The following WDR20 variants were observed in gnomAD, a reference collection of about 807,000 sequenced individuals.
WDR20 encodes WD repeat domain 20.
A neutral mutation model predicts 38.7 loss-of-function variants in WDR20; 3 were observed. The ratio of observed to expected loss-of-function variants is 0.08; its 90% CI spans 0.04 to 0.20. The LOEUF (loss-of-function observed/expected upper bound fraction) is 0.20. Among genes scored for constraint, WDR20 ranks in the 10% least tolerant of loss-of-function variants. The pLI, the probability that WDR20 is intolerant of heterozygous loss-of-function variation, is 1.00. For missense variants in WDR20, 559 were observed against 727.7 expected, an observed-to-expected ratio of 0.77 and a Z score of 2.67; for synonymous variants, 298 against 285.6, an observed-to-expected ratio of 1.04 and a Z score of -0.44.
At chr14:102,141,582 T>A (rs1016935892) in intron 1 of WDR20, among the ~76,000 whole-genome samples, 5 of 152,178 alleles carry the variant, frequency 3.3e-5, no homozygotes, top group Non-Finnish European at 5.9e-5. Context: ...TGTCACTGAC[T>A]TGTTTGGGTG....
Position 102,204,014 on chromosome 14 carries a change from ATG to A in WDR20, c.433-4587_433-4586del, listed in dbSNP as rs1442675531. On this transcript the variant is annotated intron_variant, in intron 2 of 2. Coordinates refer to ENST00000342702, the MANE Select transcript of WDR20 (RefSeq NM_144574.4). ...AACCCAATCCAAATAAGCCAGAGTCATGTAAGTTAAATGACTGTGCTTCCCAC... is the reference window on the plus strand; with the variant it reads ...AACCCAATCCAAATAAGCCAGAGTCATAAGTTAAATGACTGTGCTTCCCAC... 1.1e-4 allele frequency among the ~76,000 whole-genome samples: 16 copies of A among 152,356 alleles called. 1 individual carries two copies. The highest frequency in any genetic ancestry group is 3.3e-4 in the Admixed American group (5 of 15,310).
intron 1 of WDR20, chr14:102,167,766 C>T (rs1596167789): frequency 6.6e-6 from 1 of 152,182 alleles, no homozygotes; most frequent in Admixed American, 6.5e-5. Flanking sequence ...TTACTCCCTA[C>T]CCACCAAACT....
chr14:102,188,848 GGGCAGC>G (rs2065540811), intron 1 of WDR20, among the ~76,000 whole-genome samples: 1 of 147,994 alleles, frequency 6.8e-6, no homozygotes, highest in Non-Finnish European at 1.5e-5. Context: ...ACTCCAGTCT[GGGCAGC>G]AGAGCGAGAC....
downstream of WDR20, among the ~76,000 whole-genome samples, chr14:102,216,138 C>G (rs2063189474): frequency 6.6e-6 from 1 of 152,208 alleles, no homozygotes; most frequent in African/African-American, 2.4e-5. Context: ...GGTGCTGTCT[C>G]TGGAGTGCGG....
chr14:102,169,607 A>G (rs933255174), intron 1 of WDR20, among the ~76,000 whole-genome samples: 1 of 152,036 alleles, frequency 6.6e-6, no homozygotes, highest in African/African-American at 2.4e-5. Flanking sequence ...TGCTCACTGC[A>G]AGCTCTGCCT....
intron 2 of WDR20, among the ~76,000 whole-genome samples, chr14:102,197,482 A>C (rs1458609379): frequency 6.6e-6 from 1 of 152,226 alleles, no homozygotes; most frequent in Non-Finnish European, 1.5e-5. Context: ...GTGGGTCTTA[A>C]AGGGTACATA....
chr14:102,160,834 G>A (rs959640025), intron 1 of WDR20, among the ~76,000 whole-genome samples: 199 of 149,152 alleles, frequency 1.3e-3, no homozygotes, highest in African/African-American at 4.4e-3. Flanking sequence ...TGTATTCCCA[G>A]CTACTTGGGA....
chr14:102,196,857 T>C (rs1293464874), intron 2 of WDR20, among the ~76,000 whole-genome samples: 2 of 152,250 alleles, frequency 1.3e-5, no homozygotes, highest in African/African-American at 4.8e-5. Flanking sequence ...TTTAGAATGC[T>C]AAGACTGTGT....
rs550485080 is a variant in WDR20 at position 102,172,736 on chromosome 14, GGGC to G, written c.250-22198_250-22196del. 7.2e-3 allele frequency among the ~76,000 whole-genome samples: 1,082 copies of G among 150,030 alleles called. 12 individuals carry two copies. Among genetic ancestry groups the G allele is most frequent in the African/African-American group, 0.025 (1,009 of 40,896 alleles). ...CTGACCCCCACCTCCCTCCCGGACG[GGGC>G]GGCTGCCGGGCGGAGACGCTCCTCA... is the stretch of plus-strand genomic sequence containing the variant. On this transcript the variant is annotated intron_variant, in intron 1 of 2. Coordinates refer to ENST00000342702, the MANE Select transcript of WDR20 (RefSeq NM_144574.4).
At position 102,142,774 on chromosome 14, in the gene WDR20, C is replaced by CTTTTT. The variant is rs71116885; in HGVS notation, c.249+2621_249+2625dup. Among the ~76,000 whole-genome samples, 272 of 84,996 alleles carry CTTTTT rather than the reference C, an allele frequency of 3.2e-3. 3 individuals carry two copies. Among genetic ancestry groups the CTTTTT allele is most frequent in the Non-Finnish European group, 4.7e-3 (211 of 45,328 alleles). The allele number at this position is 84,996 out of a possible 152,430, so 55.8% of individuals were successfully genotyped here. A position where few individuals can be genotyped will look rare whatever the true frequency, so the allele number is the denominator to read the frequency against. ...CCCAGCGCACAGTTGGCTGTTTTGA[C>CTTTTT]TTTTTTTTTTTTTTTTTTTTTTTGG... On this transcript the variant is annotated intron_variant, in intron 1 of 2. Transcript: ENST00000342702.
intron 1 of WDR20, among the ~76,000 whole-genome samples, chr14:102,158,318 A>T (rs1046966171): frequency 5.9e-5 from 9 of 151,810 alleles, no homozygotes; most frequent in African/African-American, 1.9e-4. Flanking sequence ...TTTTTTTAAG[A>T]TGGAGTCTCA....
chr14:102,218,394 A>G (rs80266069), downstream of WDR20, among the ~76,000 whole-genome samples: 515 of 152,076 alleles, frequency 3.4e-3, 4 homozygotes, highest in Non-Finnish European at 5.4e-3. Flanking sequence ...GAGCTAGGAG[A>G]CCGTCCAGGC....
At chr14:102,194,195 T>A (rs1160454209) in intron 1 of WDR20, among the ~76,000 whole-genome samples, 1 of 152,236 alleles carries the variant, frequency 6.6e-6, no homozygotes, top group Non-Finnish European at 1.5e-5. Flanking sequence ...TTGTCCACTT[T>A]GGAGCATTAT....
chr14:102,197,182 C>G (rs1311388419), intron 2 of WDR20, among the ~76,000 whole-genome samples: 1 of 152,058 alleles, frequency 6.6e-6, no homozygotes, highest in African/African-American at 2.4e-5. Flanking sequence ...GTGAATTGTC[C>G]AGATCAGGTA....
chr14:102,209,541 G>A lies in WDR20; in HGVS notation c.1371G>A (p.Gly457=). The A allele has an allele frequency of 6.2e-7, 1 of 1,614,090 alleles. No individual in the cohort carries two copies. The highest frequency in any genetic ancestry group is 1.1e-5 in the South Asian group (1 of 91,072). ...SSVMDGAIAS[G]VSKFATLSLH... is the part of the protein sequence containing the mutation. The stretch of plus-strand genomic sequence containing the variant: ...TCATGGACGGGGCCATTGCTTCTGG[G>A]GTCAGCAAATTTGCAACACTTTCAC... Residue 457 remains glycine (G), a synonymous_variant, in exon 3 of 3, where the codon GGG becomes GGA. Transcript: ENST00000342702. The surrounding 1 kb of genome is among the most constrained non-coding windows in gnomAD (Gnocchi z 6.0).
At chr14:102,162,273 GC>G (rs1196226124) in intron 1 of WDR20, among the ~76,000 whole-genome samples, 2 of 152,166 alleles carry the variant, frequency 1.3e-5, no homozygotes, top group African/African-American at 4.8e-5. Context: ...ACCTTTGACT[GC>G]ATTGTACTGT....
intron 1 of WDR20, among the ~76,000 whole-genome samples, chr14:102,171,968 T>C (rs911789244): frequency 6.6e-6 from 1 of 151,072 alleles, no homozygotes; most frequent in Non-Finnish European, 1.5e-5. Flanking sequence ...CAGAGAGGGA[T>C]TTGGCAGGGT....
intron 1 of WDR20, chr14:102,179,066 C>T (rs1315346588): frequency 6.6e-6 from 1 of 152,120 alleles, no homozygotes; most frequent in African/African-American, 2.4e-5. Flanking sequence ...CATGTAAACT[C>T]TTGCTCCCAG....
chr14:102,209,937 G>C lies in WDR20; in HGVS notation c.*57G>C, dbSNP rs1022516182. The C allele has an allele frequency of 6.6e-7, 1 of 1,524,486 alleles. No homozygotes were observed. The highest frequency in any genetic ancestry group is 8.8e-7 in the Non-Finnish European group (1 of 1,142,834). The allele number at this position is 1,524,486 out of a possible 1,614,324, so 94.4% of individuals were successfully genotyped here. A position where few individuals can be genotyped will look rare whatever the true frequency, so the allele number is the denominator to read the frequency against. On this transcript the variant is annotated 3_prime_UTR_variant, in exon 3 of 3. Transcript: ENST00000342702. The surrounding 1 kb of genome is among the most constrained non-coding windows in gnomAD (Gnocchi z 6.0). ...GTGACTTTTTTCTTTTTCGTGGGAG[G>C]GGTGGGGTGTACAATGAATGTGAAT...
Sources: gnomAD v4.1 joint callset for allele counts (sites outside exome capture counted in the v4.1 genomes callset) on GRCh38, gnomAD v4.1.1 for gene constraint, Gnocchi (gnomAD v3.1) non-coding constraint, MANE v1.5 for transcripts, NCBI Gene and HGNC (gene_info 2026-07-23, HGNC 2026-07-21) for gene names.